Variants in ANKRD29 observed in about 807,000 individuals in gnomAD.
ANKRD29 encodes ankyrin repeat domain 29, also known as ankyrin repeat domain-containing protein 29.
In ANKRD29, 32 loss-of-function variants were observed where a neutral mutation model predicts 38.0. The observed-to-expected ratio is 0.84, with a 90% CI of 0.64 to 1.13. The LOEUF (loss-of-function observed/expected upper bound fraction) is 1.13. Ranked by LOEUF, ANKRD29 falls within the 50% of genes most tolerant of loss-of-function variation. ANKRD29 has a pLI of 0.00. For synonymous variants in ANKRD29, 135 were observed against 152.4 expected (o/e 0.89, Z 0.84); for missense variants, 357 against 377.9 (o/e 0.94, Z 0.46).
chr18:23,658,761 GC>G (rs933948633), intron 1 of ANKRD29, among the ~76,000 whole-genome samples: 1 of 152,124 alleles, frequency 6.6e-6, no homozygotes, highest in Non-Finnish European at 1.5e-5. Flanking sequence ...TGTAGGTATA[GC>G]CCCCATGATG....
chr18:23,646,968 G>A (rs1425311461), intron 2 of ANKRD29: 1 of 152,242 alleles, frequency 6.6e-6, no homozygotes, highest in Non-Finnish European at 1.5e-5. Context: ...GGCATTTGCA[G>A]TTTGACTTAC....
chr18:23,652,485 C>A (rs986931099), intron 1 of ANKRD29, among the ~76,000 whole-genome samples: 3 of 152,096 alleles, frequency 2.0e-5, no homozygotes, highest in African/African-American at 7.2e-5. Context: ...TATCCTCCAT[C>A]CCAAGCTCCT....
At chr18:23,632,238 C>CT (rs960791879) in intron 5 of ANKRD29, among the ~76,000 whole-genome samples, 1 of 151,986 alleles carries the variant, frequency 6.6e-6, no homozygotes, top group Admixed American at 6.6e-5. Flanking sequence ...TTTTCTTTTT[C>CT]TTTTTTTAAT....
At chr18:23,657,318 A>T (rs1416826918) in intron 1 of ANKRD29, among the ~76,000 whole-genome samples, 1 of 152,154 alleles carries the variant, frequency 6.6e-6, no homozygotes, top group Non-Finnish European at 1.5e-5. Flanking sequence ...CTGCCATTCT[A>T]GCTAATTCCA....
At chr18:23,662,411 A>G (rs2060375485) in intron 1 of ANKRD29, among the ~76,000 whole-genome samples, 1 of 151,844 alleles carries the variant, frequency 6.6e-6, no homozygotes, top group Admixed American at 6.6e-5. Context: ...CCCGCCCCCG[A>G]CCTGTTACCC....
At chr18:23,655,921 G>A (rs1402192172) in intron 1 of ANKRD29, among the ~76,000 whole-genome samples, 3 of 149,456 alleles carry the variant, frequency 2.0e-5, no homozygotes, top group African/African-American at 4.9e-5. Flanking sequence ...GTGAAACCCC[G>A]TCTCTACTAA....
At chr18:23,636,994 G>A (rs2060011261) in intron 4 of ANKRD29, among the ~76,000 whole-genome samples, 4 of 152,178 alleles carry the variant, frequency 2.6e-5, no homozygotes, top group Admixed American at 2.6e-4. Context: ...TTCTTCCCAT[G>A]GAAAGCTCTT....
At position 23,601,101 on chromosome 18, in the gene ANKRD29, C is replaced by T. The variant is rs2059506148; in HGVS notation, c.*125G>A. 1.2e-6 allele frequency: 1 copy of T among 807,610 alleles called. No homozygotes were observed. The highest frequency in any genetic ancestry group is 2.7e-5 in the East Asian group (1 of 36,592). The allele number at this position is 807,610 out of a possible 1,614,324, so 50.0% of individuals were successfully genotyped here. ...AGCGTAGCTCTTCTTTGTCAGGGACCCACAGGATGGGCATTCTGGGCATCT... is the reference window on the plus strand; with the variant it reads ...AGCGTAGCTCTTCTTTGTCAGGGACTCACAGGATGGGCATTCTGGGCATCT... On this transcript the variant is annotated 3_prime_UTR_variant, in exon 10 of 10. Coordinates refer to ENST00000592179, the MANE Select transcript of ANKRD29 (RefSeq NM_173505.4).
chr18:23,640,102 A>T (rs890979298), intron 3 of ANKRD29, among the ~76,000 whole-genome samples: 4 of 151,864 alleles, frequency 2.6e-5, no homozygotes, highest in Admixed American at 1.3e-4. Context: ...AAAACAATAA[A>T]TTTTTTTTTG....
At position 23,662,723 on chromosome 18, in the gene ANKRD29, C is replaced by G. The variant is rs543972891; in HGVS notation, c.8G>C (p.Arg3Thr). 2.6e-5 allele frequency: 38 copies of G among 1,470,744 alleles called. No homozygotes were observed. Among genetic ancestry groups the G allele is most frequent in the Non-Finnish European group, 3.1e-5 (35 of 1,116,030 alleles). The allele number at this position is 1,470,744 out of a possible 1,614,324, so 91.1% of individuals were successfully genotyped here. Residue 3 changes from arginine to threonine, a missense_variant, in exon 1 of 10, where the codon AGG becomes ACG. Physicochemically the swap from Arg to Thr is moderately conservative, Grantham distance 71. Coordinates refer to ENST00000592179, the MANE Select transcript of ANKRD29 (RefSeq NM_173505.4). Reference sequence around the variant, plus strand: ...CCGGTCGCTCACCTTGAAGGACATCCTGCACATGTCCGCGGCCGCCCGAGC... The same window carrying G: ...CCGGTCGCTCACCTTGAAGGACATCGTGCACATGTCCGCGGCCGCCCGAGC... MCRMSFKKETPLA... is the reference protein window; with the variant it reads MCTMSFKKETPLA...
chr18:23,648,646 A>G (rs958142605), intron 2 of ANKRD29: 18 of 370,856 alleles, frequency 4.9e-5, no homozygotes, highest in African/African-American at 3.7e-4. Flanking sequence ...TCAAGAGGTA[A>G]TGAAAGGATA....
intron 5 of ANKRD29, among the ~76,000 whole-genome samples, chr18:23,631,678 A>C (rs1439896029): frequency 1.3e-5 from 2 of 152,158 alleles, no homozygotes; most frequent in Non-Finnish European, 2.9e-5. Context: ...GACACCAACA[A>C]CACCTATAAA....
intron 5 of ANKRD29, among the ~76,000 whole-genome samples, chr18:23,631,242 CTT>C (rs577952705): frequency 3.5e-4 from 49 of 138,984 alleles, no homozygotes; most frequent in Non-Finnish European, 3.0e-4. Flanking sequence ...TCTCTCTCTT[CTT>C]TTTTTTTTTT....
At chr18:23,653,350 A>C (rs1336575654) in intron 1 of ANKRD29, among the ~76,000 whole-genome samples, 1 of 151,960 alleles carries the variant, frequency 6.6e-6, no homozygotes, top group Non-Finnish European at 1.5e-5. Flanking sequence ...TCCTGGGTTC[A>C]AGCGATTCTT....
At chr18:23,606,604 C>T (rs2059578142) in intron 9 of ANKRD29, among the ~76,000 whole-genome samples, 1 of 152,174 alleles carries the variant, frequency 6.6e-6, no homozygotes, top group African/African-American at 2.4e-5. Flanking sequence ...AGCCACTACA[C>T]CCAACCTTGT....
In ANKRD29 at chr18:23,598,987, T is replaced by C. The variant is rs910391810; in HGVS notation, c.*2239A>G. The C allele has an allele frequency of 6.6e-6, 1 of 152,216 alleles. No homozygotes were observed. The highest frequency in any genetic ancestry group is 1.5e-5 in the Non-Finnish European group (1 of 68,028). 9.4% of individuals were successfully genotyped at this position (152,216 alleles called of 1,614,324 possible). ...TAACATGGAATATGTCATCAAAGAA[T>C]GAATTAATGAAAAACGTTTGTAGTT... On this transcript the variant is annotated 3_prime_UTR_variant, in exon 10 of 10. Coordinates refer to ENST00000592179, the MANE Select transcript of ANKRD29 (RefSeq NM_173505.4).
intron 1 of ANKRD29, among the ~76,000 whole-genome samples, chr18:23,662,115 A>G (rs761080355): frequency 1.1e-4 from 17 of 152,058 alleles, no homozygotes; most frequent in Non-Finnish European, 2.2e-4. Flanking sequence ...GTTCAGAGTC[A>G]GGCACATTTG....
chr18:23,661,493 G>T (rs1316928365), intron 1 of ANKRD29, among the ~76,000 whole-genome samples: 1 of 152,224 alleles, frequency 6.6e-6, no homozygotes, highest in Non-Finnish European at 1.5e-5. Flanking sequence ...ATCACCTGAG[G>T]TCAGGAGTTC....
chr18:23,642,422 TCA>T (rs2060089842), intron 3 of ANKRD29, among the ~76,000 whole-genome samples: 1 of 152,120 alleles, frequency 6.6e-6, no homozygotes, highest in African/African-American at 2.4e-5. Context: ...AGCCACAGCC[TCA>T]CACAGAGCTG....
Sources: gnomAD v4.1 joint callset for allele counts (sites outside exome capture counted in the v4.1 genomes callset) on GRCh38, gnomAD v4.1.1 for gene constraint, MANE v1.5 for transcripts, NCBI Gene and HGNC (gene_info 2026-07-23, HGNC 2026-07-21) for gene names.